The following PEBP4 variants were observed in gnomAD, a reference collection of about 807,000 sequenced individuals.
PEBP4 encodes the protein phosphatidylethanolamine-binding protein 4.
PEBP4 carries 22 observed loss-of-function variants against 23.9 expected under a neutral mutation model. The observed-to-expected ratio is 0.92, with a 90% CI of 0.66 to 1.31. The LOEUF (loss-of-function observed/expected upper bound fraction) is 1.31. Ranked by LOEUF, PEBP4 falls within the 40% of genes most tolerant of loss-of-function variation. The pLI is 0.00. For synonymous variants in PEBP4, 112 were observed against 99.3 expected (o/e 1.13, Z -0.76); for missense variants, 324 against 281.7 (o/e 1.15, Z -1.07).
At chr8:22,815,298 T>C (rs939252522) in intron 4 of PEBP4, among the ~76,000 whole-genome samples, 2 of 152,224 alleles carry the variant, frequency 1.3e-5, no homozygotes, top group Non-Finnish European at 2.9e-5. Context: ...TAAGCCAGAA[T>C]GCCGTGTTCT....
intron 2 of PEBP4, among the ~76,000 whole-genome samples, chr8:22,921,716 CTT>C (rs756093855): frequency 5.3e-5 from 8 of 152,236 alleles, no homozygotes; most frequent in Non-Finnish European, 1.2e-4. Context: ...TCTTCTAACT[CTT>C]TGCGCATTTA....
Position 22,874,216 on chromosome 8 carries a change from G to C in PEBP4, c.258+45968C>G, listed in dbSNP as rs533919802. Among the ~76,000 whole-genome samples, 59 of 152,256 alleles carry C rather than the reference G, an allele frequency of 3.9e-4. No homozygotes were observed. In the South Asian group the frequency reaches 4.8e-3, roughly 12 times the overall value. ...AAGGTTAGAATAGTGGAAAGGGAAAGAAGTGGAAAGCCCCTGTTTAAATAC... is the reference window on the plus strand; with the variant it reads ...AAGGTTAGAATAGTGGAAAGGGAAACAAGTGGAAAGCCCCTGTTTAAATAC... On this transcript the variant is annotated intron_variant, in intron 3 of 6. Transcript: ENST00000256404.
At chr8:22,812,561 C>T (rs1806654332) in intron 4 of PEBP4, among the ~76,000 whole-genome samples, 1 of 152,188 alleles carries the variant, frequency 6.6e-6, no homozygotes, top group Non-Finnish European at 1.5e-5. Flanking sequence ...TGGATCCTCA[C>T]AGTACAGGTC....
chr8:22,855,000 G>GCGCACACACA (rs751840655), intron 3 of PEBP4, among the ~76,000 whole-genome samples: 1 of 73,700 alleles, frequency 1.4e-5, no homozygotes. Flanking sequence ...GAGTATGCAC[G>GCGCACACACA]CACACACACA....
chr8:22,723,360 A>T (rs1464260527), intron 6 of PEBP4, among the ~76,000 whole-genome samples: 2 of 151,966 alleles, frequency 1.3e-5, no homozygotes, highest in African/African-American at 4.8e-5. Context: ...TGGTGTATGC[A>T]GCTCCCTTCC....
At chr8:22,858,035 A>G (rs1807691736) in intron 3 of PEBP4, among the ~76,000 whole-genome samples, 1 of 152,104 alleles carries the variant, frequency 6.6e-6, no homozygotes, top group Non-Finnish European at 1.5e-5. Context: ...GAGCGTGGGG[A>G]CCATGGGGTA....
At chr8:22,931,403 C>T (rs1809454442), upstream of PEBP4, among the ~76,000 whole-genome samples, 1 of 152,050 alleles carries the variant, frequency 6.6e-6, no homozygotes, top group African/African-American at 2.4e-5. Context: ...CCTCCCTACC[C>T]CCAGCCCCTG....
rs553309275 is a variant in PEBP4 at position 22,817,729 on chromosome 8, T to C, written c.265A>G (p.Thr89Ala). ...GGATCCACCATCACCAGGATATAGG[T>C]TGCGCCCTGTAACACATGTACCGAA... ...VKFPGAVDGA[T>A]YILVMVDPDA... is the part of the protein sequence containing the mutation. The change falls in exon 4 of 7, where the codon ACC (threonine) becomes GCC (alanine). Residue 89 changes from threonine (T) to alanine (A), a missense_variant. Coordinates refer to ENST00000256404, the MANE Select transcript of PEBP4 (RefSeq NM_144962.3). The C allele has an allele frequency of 1.2e-6, 2 of 1,614,088 alleles. No individual in the cohort carries two copies. The highest frequency in any genetic ancestry group is 2.2e-5 in the East Asian group (1 of 44,884).
upstream of PEBP4, among the ~76,000 whole-genome samples, chr8:22,931,316 AACC>A (rs1454872217): frequency 6.6e-6 from 1 of 152,198 alleles, no homozygotes; most frequent in Admixed American, 6.5e-5. Context: ...AAGCTTGTGC[AACC>A]ATCACTACCA....
Position 22,724,845 on chromosome 8 carries a change from C to T in PEBP4, c.515G>A (p.Arg172Gln), listed in dbSNP as rs370587289. The change falls in exon 6 of 7, where the codon CGA becomes CAA. Residue 172 changes from arginine (R) to glutamine (Q), a missense_variant and splice_region_variant. Transcript: ENST00000256404. ...CTGGAAGGATGGGGAGGTCTTACCT[C>T]GAGTTTTGTTTTCCTTGGGAAGGAG... ...ISLLPKENKT[R>Q]GSWKMDRFLN... The T allele has an allele frequency of 3.9e-5, 63 of 1,610,750 alleles. No individual in the cohort carries two copies. Among genetic ancestry groups the T allele is most frequent in the Non-Finnish European group, 4.9e-5 (58 of 1,177,120 alleles).
chr8:22,862,732 T>G (rs1157615152), intron 3 of PEBP4, among the ~76,000 whole-genome samples: 1 of 151,592 alleles, frequency 6.6e-6, no homozygotes, highest in Non-Finnish European at 1.5e-5. Flanking sequence ...AACCTCCCTA[T>G]GGCCACACAG....
intron 4 of PEBP4, among the ~76,000 whole-genome samples, chr8:22,762,091 C>T (rs1395436566): frequency 1.3e-5 from 2 of 150,580 alleles, no homozygotes; most frequent in Admixed American, 6.6e-5. Context: ...CTTATTGTGC[C>T]AGAAAAAAAA....
intron 4 of PEBP4, among the ~76,000 whole-genome samples, chr8:22,745,966 T>C (rs1364514299): frequency 1.3e-5 from 2 of 152,360 alleles, no homozygotes; most frequent in African/African-American, 4.8e-5. Flanking sequence ...AGGTCAATGA[T>C]GCTGCTCCAA....
chr8:22,900,656 C>A (rs1437457551), intron 3 of PEBP4, among the ~76,000 whole-genome samples: 383 of 134,172 alleles, frequency 2.9e-3, no homozygotes, highest in Middle Eastern at 3.8e-3. Context: ...ACTCTGTCTC[C>A]AAAAAAAAAA....
At chr8:22,737,446 G>A (rs181471533) in intron 4 of PEBP4, among the ~76,000 whole-genome samples, 2 of 152,180 alleles carry the variant, frequency 1.3e-5, no homozygotes, top group Non-Finnish European at 2.9e-5. Flanking sequence ...CCCGTGGTGC[G>A]CAGGCATCTC....
intron 3 of PEBP4, among the ~76,000 whole-genome samples, chr8:22,859,192 A>G (rs1051548763): frequency 5.3e-5 from 8 of 152,214 alleles, no homozygotes; most frequent in African/African-American, 4.8e-5. Context: ...CCTATCTACC[A>G]GGGAGCACTA....
chr8:22,721,816 C>A (rs563274537), intron 6 of PEBP4, among the ~76,000 whole-genome samples: 246 of 152,298 alleles, frequency 1.6e-3, no homozygotes, highest in African/African-American at 5.6e-3. Flanking sequence ...CATGCTCTGG[C>A]CTCCCAAGCA....
At chr8:22,830,622 G>A (rs1259197172) in intron 3 of PEBP4, among the ~76,000 whole-genome samples, 3 of 152,066 alleles carry the variant, frequency 2.0e-5, no homozygotes, top group Non-Finnish European at 4.4e-5. Flanking sequence ...CAACAACATT[G>A]CCTGGTATTC....
At position 22,747,593 on chromosome 8, in the gene PEBP4, T is replaced by C. The variant is rs149615464; in HGVS notation, c.358-20373A>G. ...AGGGTGAGTGGGGTGTGCATGGGTGTGCACGCTCAGGGGGGTGGGGGGCTT... is the reference window on the plus strand; with the variant it reads ...AGGGTGAGTGGGGTGTGCATGGGTGCGCACGCTCAGGGGGGTGGGGGGCTT... On this transcript the variant is annotated intron_variant, in intron 4 of 6. Transcript: ENST00000256404. 33 of 110,682 alleles carry C rather than the reference T, an allele frequency of 3.0e-4. No individual in the cohort carries two copies. In the East Asian group the frequency reaches 9.2e-3, roughly 31 times the overall value. 6.9% of individuals were successfully genotyped at this position (110,682 alleles called of 1,614,324 possible). A position where few individuals can be genotyped will look rare whatever the true frequency, so the allele number is the denominator to read the frequency against.
Sources: gnomAD v4.1 joint callset for allele counts (sites outside exome capture counted in the v4.1 genomes callset) on GRCh38, gnomAD v4.1.1 for gene constraint, MANE v1.5 for transcripts, NCBI Gene and HGNC (gene_info 2026-07-23, HGNC 2026-07-21) for gene names.